Variants in PLCB1 observed in about 807,000 individuals in gnomAD.
The protein encoded by PLCB1 is 1-phosphatidylinositol 4,5-bisphosphate phosphodiesterase beta-1.
Under a neutral mutation model 161.8 loss-of-function variants are expected in PLCB1, and 46 were observed. That is an observed-to-expected ratio of 0.28 (90% CI 0.22 to 0.36). The LOEUF (loss-of-function observed/expected upper bound fraction) is 0.36. PLCB1 is among the 10% of genes least tolerant of loss of function. The pLI, the probability that PLCB1 is intolerant of heterozygous loss-of-function variation, is 1.00. For missense variants in PLCB1, 1,016 were observed against 1,472.5 expected, an observed-to-expected ratio of 0.69 and a Z score of 5.07; for synonymous variants, 517 against 503.7, an observed-to-expected ratio of 1.03 and a Z score of -0.35.
intron 3 of PLCB1, among the ~76,000 whole-genome samples, chr20:8,398,063 C>A (rs924771311): frequency 6.6e-6 from 1 of 152,006 alleles, no homozygotes; most frequent in African/African-American, 2.4e-5. Flanking sequence ...ATTACAGAAT[C>A]TTTATTCACA....
intron 2 of PLCB1, among the ~76,000 whole-genome samples, chr20:8,271,311 A>G (rs556975582): frequency 6.6e-6 from 1 of 152,232 alleles, no homozygotes; most frequent in East Asian, 1.9e-4. Context: ...GGCATTCAAT[A>G]GTAGGTTATA....
At chr20:8,714,681 A>G (rs1044896374) in intron 12 of PLCB1, among the ~76,000 whole-genome samples, 2 of 152,144 alleles carry the variant, frequency 1.3e-5, no homozygotes, top group African/African-American at 4.8e-5. Flanking sequence ...AAGCTCCCAT[A>G]CAGACCAAGA....
intron 3 of PLCB1, among the ~76,000 whole-genome samples, chr20:8,484,814 T>A (rs1038436890): frequency 5.3e-5 from 8 of 152,230 alleles, no homozygotes; most frequent in African/African-American, 1.9e-4. Context: ...TTCACTTCCA[T>A]GTGTAAGTAT....
chr20:8,275,422 G>A (rs1982492762), intron 2 of PLCB1, among the ~76,000 whole-genome samples: 1 of 152,080 alleles, frequency 6.6e-6, no homozygotes, highest in Non-Finnish European at 1.5e-5. Flanking sequence ...ACTCAGACTA[G>A]GGAAACTACC....
intron 31 of PLCB1, among the ~76,000 whole-genome samples, chr20:8,847,895 A>G (rs1233121405): frequency 6.6e-6 from 1 of 152,204 alleles, no homozygotes; most frequent in African/African-American, 2.4e-5. Context: ...GGCAATTTAT[A>G]CGAACAGAAA....
chr20:8,456,899 C>T (rs989745674), intron 3 of PLCB1, among the ~76,000 whole-genome samples: 7 of 152,112 alleles, frequency 4.6e-5, no homozygotes, highest in African/African-American at 1.7e-4. Flanking sequence ...GCATCACCCT[C>T]AGGACCTCAT....
intron 2 of PLCB1, among the ~76,000 whole-genome samples, chr20:8,356,848 C>T (rs78145281): frequency 0.013 from 1,916 of 152,142 alleles, 48 homozygotes; most frequent in African/African-American, 0.044. Flanking sequence ...ACAGAGAATA[C>T]GTTGCAAAGA....
chr20:8,255,103 T>C (rs1234657046), intron 2 of PLCB1, among the ~76,000 whole-genome samples: 1 of 152,094 alleles, frequency 6.6e-6, no homozygotes, highest in Non-Finnish European at 1.5e-5. Flanking sequence ...CATTTTCCGA[T>C]GACCATGATT....
intron 23 of PLCB1, among the ~76,000 whole-genome samples, chr20:8,742,632 G>A (rs567367944): frequency 1.5e-3 from 235 of 152,082 alleles, no homozygotes; most frequent in Non-Finnish European, 3.0e-3. Flanking sequence ...TCATAAAATG[G>A]GATAATATTC....
At chr20:8,700,349 C>A (rs552302573) in intron 11 of PLCB1, among the ~76,000 whole-genome samples, 2 of 152,348 alleles carry the variant, frequency 1.3e-5, no homozygotes, top group East Asian at 3.9e-4. Context: ...GGAGAATAAA[C>A]ACCAAGCACA....
intron 2 of PLCB1, among the ~76,000 whole-genome samples, chr20:8,335,380 T>C (rs1170627375): frequency 6.6e-6 from 1 of 152,210 alleles, no homozygotes; most frequent in Non-Finnish European, 1.5e-5. Flanking sequence ...TGATGAACCA[T>C]AAAAATGACA....
chr20:8,850,021 A>T (rs938443210), intron 31 of PLCB1, among the ~76,000 whole-genome samples: 1 of 152,218 alleles, frequency 6.6e-6, no homozygotes, highest in Non-Finnish European at 1.5e-5. Flanking sequence ...AAAAATAAAA[A>T]AAAGAACGAA....
intron 2 of PLCB1, among the ~76,000 whole-genome samples, chr20:8,330,656 A>T (rs1985332276): frequency 6.6e-6 from 1 of 152,226 alleles, no homozygotes; most frequent in Non-Finnish European, 1.5e-5. Flanking sequence ...TCTTGATAGC[A>T]TTCAAGGGAT....
chr20:8,787,908 G>A (rs1453749950), intron 27 of PLCB1, among the ~76,000 whole-genome samples: 1 of 152,218 alleles, frequency 6.6e-6, no homozygotes, highest in Admixed American at 6.5e-5. Context: ...CAACTTCTAA[G>A]ATGGGAAACT....
At chr20:8,626,466 A>G (rs1988351686) in intron 3 of PLCB1, among the ~76,000 whole-genome samples, 1 of 152,152 alleles carries the variant, frequency 6.6e-6, no homozygotes, top group South Asian at 2.1e-4. Flanking sequence ...TCAAGTTTTG[A>G]GCAAAAGTAT....
chr20:8,421,453 G>C (rs1979534738), intron 3 of PLCB1, among the ~76,000 whole-genome samples: 1 of 152,112 alleles, frequency 6.6e-6, no homozygotes, highest in African/African-American at 2.4e-5. Context: ...TGGTCAGCTT[G>C]CCCTATTGAA....
At chr20:8,133,687 A>G (rs1007955542) in intron 1 of PLCB1, among the ~76,000 whole-genome samples, 5 of 152,194 alleles carry the variant, frequency 3.3e-5, no homozygotes, top group African/African-American at 1.2e-4. Context: ...TTATGGTATC[A>G]GTTTTATGTC....
At chr20:8,260,152 C>T (rs1204322574) in intron 2 of PLCB1, among the ~76,000 whole-genome samples, 1 of 150,582 alleles carries the variant, frequency 6.6e-6, no homozygotes, top group African/African-American at 2.4e-5. Flanking sequence ...GAGATCATAG[C>T]TCACTGCACC....
intron 3 of PLCB1, among the ~76,000 whole-genome samples, chr20:8,468,700 G>A (rs1981922236): frequency 1.3e-5 from 2 of 152,042 alleles, no homozygotes; most frequent in African/African-American, 4.8e-5. Context: ...TTATCTATTT[G>A]TGACTTGCTT....
Sources: gnomAD v4.1 joint callset for allele counts (sites outside exome capture counted in the v4.1 genomes callset) on GRCh38, gnomAD v4.1.1 for gene constraint, MANE v1.5 for transcripts, NCBI Gene and HGNC (gene_info 2026-07-23, HGNC 2026-07-21) for gene names.